BMP2K: variants seen among roughly 807,000 people sequenced by gnomAD.
The protein encoded by BMP2K is BMP-2-inducible protein kinase.
In BMP2K, 74 loss-of-function variants were observed where a neutral mutation model predicts 116.0. The ratio of observed to expected loss-of-function variants is 0.64; its 90% CI spans 0.53 to 0.77. The LOEUF is 0.77. Ranked by LOEUF, BMP2K falls within the 30% of genes least tolerant of loss-of-function variation. BMP2K has a pLI of 0.00. For synonymous variants in BMP2K, 486 were observed against 502.5 expected, an observed-to-expected ratio of 0.97 and a Z score of 0.44; for missense variants, 1,365 against 1,403.6, an observed-to-expected ratio of 0.97 and a Z score of 0.44.
intron 4 of BMP2K, among the ~76,000 whole-genome samples, chr4:78,844,017 TATA>T (rs1389565754): frequency 2.6e-5 from 4 of 151,860 alleles, no homozygotes; most frequent in Admixed American, 6.6e-5. Context: ...GAAGAAAAGT[TATA>T]ATAAAACAGT....
intron 15 of BMP2K, among the ~76,000 whole-genome samples, chr4:78,893,689 T>C (rs916764922): frequency 2.0e-5 from 3 of 152,160 alleles, no homozygotes; most frequent in African/African-American, 7.2e-5. Context: ...CAGCATCCCA[T>C]GTAGCTGGGA....
At chr4:78,872,303 CTTTTTTTTT>C (rs34599936) in intron 12 of BMP2K, 2,776 of 92,358 alleles carry the variant, frequency 0.03, 141 homozygotes, top group African/African-American at 0.11. Context: ...ATAATTTGAC[CTTTTTTTTT>C]TTTTTTTTTT....
In BMP2K at chr4:78,911,727, A is replaced by T; in HGVS notation, c.3180A>T (p.Gln1060His). The T allele has an allele frequency of 6.2e-7, 1 of 1,613,934 alleles. No individual in the cohort carries two copies. The highest frequency in any genetic ancestry group is 1.1e-5 in the South Asian group (1 of 91,082). Residue 1060 changes from glutamine (Q) to histidine (H), a missense_variant, in exon 16 of 16, where the codon CAA becomes CAT. Around this residue, in one of 3 missense-constraint regions of BMP2K, gnomAD observed 596 missense variants for 623.2 expected, o/e 0.96. Coordinates refer to ENST00000502613, the MANE Select transcript of BMP2K (RefSeq NM_198892.2). ...GGAAAGATAGGGGGAATGTCTTACA[A>T]CCTGAGGAGAGCCTGTTGGACCCCT... is the stretch of plus-strand genomic sequence containing the variant. ...TDGKDRGNVL[Q>H]PEESLLDPFG... is the part of the protein sequence containing the mutation.
chr4:78,868,737 T>G (rs1732185114), intron 10 of BMP2K, among the ~76,000 whole-genome samples: 1 of 152,090 alleles, frequency 6.6e-6, no homozygotes, highest in African/African-American at 2.4e-5. Context: ...AAGTCTGAAA[T>G]CCAGTGGGGT....
At chr4:78,856,708 T>C (rs1241809286) in intron 7 of BMP2K, among the ~76,000 whole-genome samples, 1 of 152,214 alleles carries the variant, frequency 6.6e-6, no homozygotes, top group South Asian at 2.1e-4. Context: ...GTAAAGCAGA[T>C]TGCAGAATGA....
intron 15 of BMP2K, chr4:78,906,224 C>T (rs141152576): frequency 6.6e-6 from 1 of 152,042 alleles, no homozygotes; most frequent in Non-Finnish European, 1.5e-5. Context: ...CATTACTGCT[C>T]TTTACTTTTT....
At chr4:78,790,996 A>G (rs1304944691) in intron 1 of BMP2K, among the ~76,000 whole-genome samples, 1 of 151,838 alleles carries the variant, frequency 6.6e-6, no homozygotes, top group Non-Finnish European at 1.5e-5. Context: ...TTTCTCTCCC[A>G]TTCTTTTTTC....
intron 1 of BMP2K, among the ~76,000 whole-genome samples, chr4:78,804,053 C>T (rs1318082775): frequency 6.6e-6 from 1 of 152,094 alleles, no homozygotes; most frequent in East Asian, 1.9e-4. Context: ...GAAACACCAC[C>T]ACTAATTCTA....
chr4:78,889,743 T>C (rs889634596), intron 15 of BMP2K, among the ~76,000 whole-genome samples: 1 of 152,232 alleles, frequency 6.6e-6, no homozygotes, highest in African/African-American at 2.4e-5. Context: ...GGTGTATGTG[T>C]GTATATACAA....
intron 1 of BMP2K, among the ~76,000 whole-genome samples, chr4:78,820,530 T>C (rs2109989154): frequency 6.6e-6 from 1 of 152,302 alleles, no homozygotes; most frequent in African/African-American, 2.4e-5. Context: ...CATTTTCTCT[T>C]TTCTTTTTCT....
Position 78,804,285 on chromosome 4 carries a change from G to A in BMP2K, c.179-21752G>A, listed in dbSNP as rs565699181. ...TTAAGTTTCATTCATGTTTTAACAT[G>A]CATTCATTCTTTTTTATGGCTGAAT... is the stretch of plus-strand genomic sequence containing the variant. On this transcript the variant is annotated intron_variant, in intron 1 of 15. Coordinates refer to ENST00000502613, the MANE Select transcript of BMP2K (RefSeq NM_198892.2). Among the ~76,000 whole-genome samples, 11 of 152,208 alleles carry A rather than the reference G, an allele frequency of 7.2e-5. No homozygotes were observed. The East Asian group carries it at 2.1e-3, about 29-fold the overall frequency.
At chr4:78,889,180 C>T (rs1053296146) in intron 15 of BMP2K, among the ~76,000 whole-genome samples, 4 of 136,232 alleles carry the variant, frequency 2.9e-5, no homozygotes, top group African/African-American at 8.6e-5. Context: ...GAGATCGTGC[C>T]AGTGCACTCC....
At chr4:78,843,266 C>T (rs908503101) in intron 4 of BMP2K, among the ~76,000 whole-genome samples, 1 of 151,848 alleles carries the variant, frequency 6.6e-6, no homozygotes, top group Non-Finnish European at 1.5e-5. Context: ...CTCAGGTTCA[C>T]CTTCTCAGTG....
intron 1 of BMP2K, among the ~76,000 whole-genome samples, chr4:78,800,100 T>C (rs1489368318): frequency 6.6e-6 from 1 of 152,298 alleles, no homozygotes; most frequent in Middle Eastern, 3.4e-3. Context: ...ATAAACCTAT[T>C]TGAACAATTG....
At position 78,899,738 on chromosome 4, in the gene BMP2K, C is replaced by A. The variant is rs550701028; in HGVS notation, c.2063-10872C>A. On this transcript the variant is annotated intron_variant, in intron 15 of 15. Coordinates refer to ENST00000502613, the MANE Select transcript of BMP2K (RefSeq NM_198892.2). ...AGGGTTAGGGTGACTGGAAATAGTC[C>A]ATTAGATTTAGCATTTAGTAATTAT... Among the ~76,000 whole-genome samples the A allele has an allele frequency of 3.2e-4, 49 of 151,850 alleles. 1 individual carries two copies. In the South Asian group the frequency reaches 1.0e-2, roughly 31 times the overall value.
At chr4:78,818,845 G>A (rs1729483036) in intron 1 of BMP2K, among the ~76,000 whole-genome samples, 1 of 148,300 alleles carries the variant, frequency 6.7e-6, no homozygotes, top group South Asian at 2.1e-4. Context: ...CGCCCAGGCT[G>A]GAGTGCAGTG....
At chr4:78,837,664 C>CT in intron 3 of BMP2K, among the ~76,000 whole-genome samples, 1 of 152,132 alleles carries the variant, frequency 6.6e-6, no homozygotes, top group East Asian at 1.9e-4. Flanking sequence ...CCTGACCCTT[C>CT]TTTCTTTGTT....
intron 1 of BMP2K, among the ~76,000 whole-genome samples, chr4:78,780,683 A>C (rs1192898164): frequency 4.6e-5 from 7 of 152,228 alleles, no homozygotes; most frequent in Non-Finnish European, 1.0e-4. Flanking sequence ...ACACAACTTC[A>C]TTAAATGCCT....
intron 3 of BMP2K, 103 bp from the exon 4 acceptor site, chr4:78,842,282 G>A (rs1730795994): frequency 9.9e-7 from 1 of 1,014,540 alleles, no homozygotes. Context: ...TTATGAAAAA[G>A]CCAATTTCCC....
Sources: allele counts gnomAD v4.1 joint callset (sites outside exome capture counted in the v4.1 genomes callset), GRCh38; gene constraint gnomAD v4.1.1; regional missense constraint gnomAD v4.1.1; transcripts MANE v1.5; gene names NCBI Gene and HGNC (gene_info 2026-07-23, HGNC 2026-07-21).